Variants in GREB1L observed in about 807,000 individuals in gnomAD.
GREB1L encodes GREB1-like protein.
A neutral mutation model predicts 200.8 loss-of-function variants in GREB1L; 17 were observed. The ratio of observed to expected loss-of-function variants is 0.08; its 90% CI spans 0.06 to 0.13. GREB1L has a LOEUF of 0.13. Among genes scored for constraint, GREB1L ranks in the 10% least tolerant of loss-of-function variants. The pLI is 1.00. For missense variants in GREB1L, 1,657 were observed against 2,367.7 expected (o/e 0.70, Z 6.23); for synonymous variants, 789 against 893.0 (o/e 0.88, Z 2.08).
At chr18:21,413,415 A>C (rs2031288011) in intron 7 of GREB1L, among the ~76,000 whole-genome samples, 1 of 152,158 alleles carries the variant, frequency 6.6e-6, no homozygotes, top group African/African-American at 2.4e-5. Flanking sequence ...CTCTAGGTGC[A>C]TCAAAAGTTC....
intron 7 of GREB1L, among the ~76,000 whole-genome samples, chr18:21,417,777 C>T (rs1383835910): frequency 6.6e-6 from 1 of 151,846 alleles, no homozygotes; most frequent in African/African-American, 2.4e-5. Flanking sequence ...ATCATGAGAT[C>T]AGGAGATCAA....
At position 21,274,349 on chromosome 18, in the gene GREB1L, A is replaced by G. The variant is rs183379579; in HGVS notation, c.-120+31956A>G. Among the ~76,000 whole-genome samples the G allele has an allele frequency of 2.6e-5, 4 of 152,300 alleles. No homozygotes were observed. The East Asian group carries it at 7.7e-4, about 29-fold the overall frequency. ...CAACATATGAATTTTGGAGTGACAC[A>G]AACATTCAGATCATAGCAAATACCA... On this transcript the variant is annotated intron_variant, in intron 1 of 32. Coordinates refer to ENST00000424526, the MANE Select transcript of GREB1L (RefSeq NM_001142966.3).
At chr18:21,452,566 C>T (rs1485102131) in intron 14 of GREB1L, 2 of 200,414 alleles carry the variant, frequency 1.0e-5, no homozygotes, top group Non-Finnish European at 2.0e-5. Flanking sequence ...AGTCAGACTA[C>T]AGGCAGTGCA....
intron 5 of GREB1L, among the ~76,000 whole-genome samples, chr18:21,395,871 A>G (rs1290907660): frequency 2.6e-5 from 4 of 151,440 alleles, no homozygotes; most frequent in African/African-American, 9.7e-5. Flanking sequence ...CTGGGACTAC[A>G]GGTGCATGCC....
intron 7 of GREB1L, among the ~76,000 whole-genome samples, chr18:21,404,335 C>T (rs1264265146): frequency 6.6e-6 from 1 of 152,158 alleles, no homozygotes; most frequent in Non-Finnish European, 1.5e-5. Context: ...GTCATTAAGA[C>T]TGGAGTTCCA....
intron 25 of GREB1L, among the ~76,000 whole-genome samples, chr18:21,507,889 C>T (rs2037079218): frequency 1.3e-5 from 2 of 152,178 alleles, no homozygotes; most frequent in Admixed American, 1.3e-4. Flanking sequence ...GTACTTCTTC[C>T]ACTGAGGCTA....
At chr18:21,377,541 C>T (rs1219671506) in intron 2 of GREB1L, among the ~76,000 whole-genome samples, 11 of 151,966 alleles carry the variant, frequency 7.2e-5, no homozygotes, top group Non-Finnish European at 8.8e-5. Context: ...TCTGGGAGGC[C>T]GAGGCGAGCA....
intron 7 of GREB1L, among the ~76,000 whole-genome samples, chr18:21,418,204 A>C (rs903259444): frequency 5.3e-5 from 8 of 152,124 alleles, no homozygotes; most frequent in Non-Finnish European, 1.2e-4. Context: ...TTATACATGA[A>C]ATTTTGCAAC....
chr18:21,467,932 G>A (rs1251843637), intron 15 of GREB1L, among the ~76,000 whole-genome samples: 1 of 151,872 alleles, frequency 6.6e-6, no homozygotes, highest in Non-Finnish European at 1.5e-5. Context: ...GGCTGAGGCA[G>A]GAGAATGGCA....
chr18:21,427,276 G>A (rs551515973), intron 7 of GREB1L, among the ~76,000 whole-genome samples: 1 of 152,042 alleles, frequency 6.6e-6, no homozygotes, highest in Admixed American at 6.6e-5. Flanking sequence ...GGCTGAGGCA[G>A]GCTGATCTCT....
rs568664584 is a variant in GREB1L, at chr18:21,287,142, AT to A, written c.-120+44760del. On this transcript the variant is annotated intron_variant, in intron 1 of 32. Coordinates refer to ENST00000424526, the MANE Select transcript of GREB1L (RefSeq NM_001142966.3). ...CCTCTAGTAGAGCAATTATATAGGA[AT>A]TTTTTTTTTTGCCTGAGTTTTTTGT... 2.3e-3 allele frequency among the ~76,000 whole-genome samples: 347 copies of A among 148,142 alleles called. 1 individual carries two copies. Among genetic ancestry groups the A allele is most frequent in the East Asian group, 0.014 (70 of 5,090 alleles).
intron 15 of GREB1L, chr18:21,468,784 A>G (rs1473069403): frequency 6.6e-6 from 3 of 456,496 alleles, no homozygotes; most frequent in South Asian, 3.1e-5. Flanking sequence ...CCTGCAATCT[A>G]TGACATTTCT....
At chr18:21,244,467 C>T (rs1016058952) in intron 1 of GREB1L, among the ~76,000 whole-genome samples, 1 of 152,188 alleles carries the variant, frequency 6.6e-6, no homozygotes, top group Non-Finnish European at 1.5e-5. Flanking sequence ...AAACCCGCCA[C>T]ACGACGTAAC....
chr18:21,482,294 G>A (rs551095270), intron 17 of GREB1L, among the ~76,000 whole-genome samples: 4 of 152,370 alleles, frequency 2.6e-5, no homozygotes, highest in Non-Finnish European at 2.9e-5. Context: ...GTCTCACTCT[G>A]TTAGCCAGGT....
intron 7 of GREB1L, among the ~76,000 whole-genome samples, chr18:21,434,499 ATGTGTGTGTGTGTGTGTG>A (rs67516917): frequency 3.1e-5 from 4 of 127,280 alleles, no homozygotes; most frequent in Non-Finnish European, 4.7e-5. Flanking sequence ...ATATATATAT[ATGTGTGTGTGTGTGTGTG>A]TGTGTGTGTG....
At chr18:21,513,705 G>C in intron 27 of GREB1L, 116 bp from the exon 28 acceptor site, 1 of 944,972 alleles carries the variant, frequency 1.1e-6, no homozygotes. Context: ...GCTCCCACCT[G>C]CATGGTTCCC....
chr18:21,345,931 A>G (rs2039337847), intron 1 of GREB1L, among the ~76,000 whole-genome samples: 1 of 152,034 alleles, frequency 6.6e-6, no homozygotes, highest in Admixed American at 6.6e-5. Flanking sequence ...GTTCTCACAT[A>G]TGAAGCATTC....
rs986419107 is a variant in GREB1L at position 21,254,419 on chromosome 18, C to T, written c.-120+12026C>T. ...GCATGACTCTACTTTCTGTTTTTCA[C>T]GCGTATCATTTTTAATCCTTGAACA... On this transcript the variant is annotated intron_variant, in intron 1 of 32. Coordinates refer to ENST00000424526, the MANE Select transcript of GREB1L (RefSeq NM_001142966.3). Among the ~76,000 whole-genome samples the T allele has an allele frequency of 6.6e-5, 10 of 151,848 alleles. No homozygotes were observed. The East Asian group carries it at 7.7e-4, about 12-fold the overall frequency.
chr18:21,374,485 A>C (rs371330865), intron 2 of GREB1L, among the ~76,000 whole-genome samples: 9 of 152,312 alleles, frequency 5.9e-5, no homozygotes, highest in Middle Eastern at 3.4e-3. Context: ...ATTGAATGGT[A>C]TTGCTTCTCA....
Sources: allele counts gnomAD v4.1 joint callset (sites outside exome capture counted in the v4.1 genomes callset), GRCh38; gene constraint gnomAD v4.1.1; transcripts MANE v1.5; gene names NCBI Gene and HGNC (gene_info 2026-07-23, HGNC 2026-07-21).